KHDRBS2: variants seen among roughly 807,000 people sequenced by gnomAD.
KHDRBS2 encodes the protein KH RNA binding domain containing, signal transduction associated 2.
Under a neutral mutation model 44.3 loss-of-function variants are expected in KHDRBS2, and 26 were observed. The ratio of observed to expected loss-of-function variants is 0.59; its 90% CI spans 0.43 to 0.81. The LOEUF (loss-of-function observed/expected upper bound fraction) is 0.81. Among genes scored for constraint, KHDRBS2 ranks in the 40% least tolerant of loss-of-function variants. The probability of loss-of-function intolerance (pLI) is 0.00; values close to 1 mark genes in which losing one functional copy is unlikely to be tolerated. For missense variants in KHDRBS2, 476 were observed against 433.1 expected (o/e 1.10, Z -0.88); for synonymous variants, 194 against 151.1 (o/e 1.28, Z -2.08).
intron 2 of KHDRBS2, among the ~76,000 whole-genome samples, chr6:62,098,243 CGTTT>C (rs1245537114): frequency 8.3e-4 from 92 of 110,758 alleles, no homozygotes; most frequent in African/African-American, 3.0e-3. Flanking sequence ...TAGCTTCAAA[CGTTT>C]TTTTTTTTTT....
chr6:61,624,297 T>G, the KHDRBS2 span, among the ~76,000 whole-genome samples: 1 of 152,282 alleles, frequency 6.6e-6, no homozygotes, highest in East Asian at 1.9e-4. Flanking sequence ...ATACACTGGC[T>G]CTGTGGCCAC....
intron 6 of KHDRBS2, among the ~76,000 whole-genome samples, chr6:61,744,079 G>T (rs4710264): frequency 8.6e-5 from 13 of 151,770 alleles, no homozygotes; most frequent in African/African-American, 1.9e-4. Context: ...GAATAGTGCC[G>T]CTATAAGCAG....
intron 6 of KHDRBS2, among the ~76,000 whole-genome samples, chr6:61,828,832 G>A (rs1408193282): frequency 6.6e-6 from 1 of 151,106 alleles, no homozygotes; most frequent in Non-Finnish European, 1.5e-5. Context: ...TTTTTCATTT[G>A]TCTTTTATTT....
intron 1 of KHDRBS2, among the ~76,000 whole-genome samples, chr6:62,246,806 A>G (rs1835654333): frequency 6.6e-6 from 1 of 152,062 alleles, no homozygotes; most frequent in Non-Finnish European, 1.5e-5. Flanking sequence ...CAATGAAATA[A>G]GCCAATTATA....
At chr6:61,615,464 A>T in the KHDRBS2 span, among the ~76,000 whole-genome samples, 343 of 152,210 alleles carry the variant, frequency 2.3e-3, 1 homozygote, top group Non-Finnish European at 3.4e-3. Context: ...CAATACAAAA[A>T]ATCAGAACTA....
the KHDRBS2 span, among the ~76,000 whole-genome samples, chr6:61,613,084 C>T: frequency 1.3e-5 from 2 of 152,192 alleles, no homozygotes; most frequent in East Asian, 3.9e-4. Context: ...CATCTCCTGA[C>T]CTTGTGATCC....
At chr6:62,085,503 A>T (rs1022250020) in intron 2 of KHDRBS2, among the ~76,000 whole-genome samples, 1 of 152,198 alleles carries the variant, frequency 6.6e-6, no homozygotes, top group African/African-American at 2.4e-5. Context: ...AGGAAAACAT[A>T]TTACAGAAAA....
At chr6:61,946,887 T>A (rs1169672434) in intron 4 of KHDRBS2, among the ~76,000 whole-genome samples, 1 of 152,152 alleles carries the variant, frequency 6.6e-6, no homozygotes, top group Non-Finnish European at 1.5e-5. Flanking sequence ...AGATACTCCA[T>A]CTAAGTCAGC....
At chr6:62,162,973 G>C (rs1817958465) in intron 2 of KHDRBS2, among the ~76,000 whole-genome samples, 1 of 151,980 alleles carries the variant, frequency 6.6e-6, no homozygotes, top group South Asian at 2.1e-4. Context: ...TCCATATGTT[G>C]ATGTCAAGTG....
intron 2 of KHDRBS2, among the ~76,000 whole-genome samples, chr6:62,105,252 A>G (rs1239741134): frequency 1.3e-5 from 2 of 152,218 alleles, no homozygotes; most frequent in African/African-American, 2.4e-5. Flanking sequence ...GAAGTAGGGC[A>G]AGAAACACCC....
chr6:62,109,802 G>C (rs1804577203), intron 2 of KHDRBS2, among the ~76,000 whole-genome samples: 1 of 150,372 alleles, frequency 6.7e-6, no homozygotes, highest in South Asian at 2.1e-4. Context: ...GGAAGGGAGA[G>C]AGAAAAAGAG....
intron 2 of KHDRBS2, among the ~76,000 whole-genome samples, chr6:62,163,374 T>A (rs1585015855): frequency 6.6e-6 from 1 of 152,078 alleles, no homozygotes; most frequent in East Asian, 1.9e-4. Flanking sequence ...CTACACAATA[T>A]GCTCAATATT....
At chr6:61,899,743 C>CCG (rs1554263629) in intron 5 of KHDRBS2, among the ~76,000 whole-genome samples, 30 of 140,184 alleles carry the variant, frequency 2.1e-4, no homozygotes, top group Middle Eastern at 3.6e-3. Context: ...GCCCCCCCCC[C>CCG]GCATTTTAAG....
chr6:61,931,795 C>T (rs372701325), intron 4 of KHDRBS2, among the ~76,000 whole-genome samples: 2 of 151,884 alleles, frequency 1.3e-5, no homozygotes, highest in Non-Finnish European at 1.5e-5. Context: ...CCTATCCTGC[C>T]TCCTCTTCCA....
At chr6:61,972,196 C>T (rs187038242) in intron 4 of KHDRBS2, among the ~76,000 whole-genome samples, 1 of 152,138 alleles carries the variant, frequency 6.6e-6, no homozygotes, top group East Asian at 1.9e-4. Context: ...TTTTATCTGT[C>T]TTCCAAGTTA....
intron 2 of KHDRBS2, among the ~76,000 whole-genome samples, chr6:62,068,603 T>A (rs1200198451): frequency 6.6e-6 from 1 of 151,558 alleles, no homozygotes; most frequent in African/African-American, 2.4e-5. Context: ...CTCCTATGAT[T>A]TCCTACAAGA....
At chr6:61,650,653 C>T in the KHDRBS2 span, among the ~76,000 whole-genome samples, 1 of 151,318 alleles carries the variant, frequency 6.6e-6, no homozygotes, top group Non-Finnish European at 1.5e-5. Context: ...ACTATGGGGA[C>T]TATGAATAGC....
chr6:61,826,832 C>T (rs1790947088), intron 6 of KHDRBS2, among the ~76,000 whole-genome samples: 1 of 152,062 alleles, frequency 6.6e-6, no homozygotes, highest in African/African-American at 2.4e-5. Context: ...TTTTTGAAAG[C>T]AGAGGACTTT....
chr6:62,261,771 A>G (rs1229844791), intron 1 of KHDRBS2, among the ~76,000 whole-genome samples: 3 of 151,802 alleles, frequency 2.0e-5, no homozygotes, highest in Non-Finnish European at 4.4e-5. Flanking sequence ...TTAACACAGT[A>G]AAGATTAACT....
Sources: allele counts gnomAD v4.1 joint callset (sites outside exome capture counted in the v4.1 genomes callset), GRCh38; gene constraint gnomAD v4.1.1; transcripts MANE v1.5; gene names NCBI Gene and HGNC (gene_info 2026-07-23, HGNC 2026-07-21).